Variants in COL21A1 observed in about 807,000 individuals in gnomAD.
The protein encoded by COL21A1 is collagen alpha-1(XXI) chain.
COL21A1 carries 149 observed loss-of-function variants against 137.9 expected under a neutral mutation model. The ratio of observed to expected loss-of-function variants is 1.08; its 90% confidence interval spans 0.95 to 1.24. The LOEUF is 1.24. Ranked by LOEUF, COL21A1 falls within the 50% of genes most tolerant of loss-of-function variation. The pLI, the probability that COL21A1 is intolerant of heterozygous loss-of-function variation, is 0.00. For missense variants in COL21A1, 1,167 were observed against 1,158.4 expected, an observed-to-expected ratio of 1.01 and a Z score of -0.11; for synonymous variants, 456 against 391.5, an observed-to-expected ratio of 1.16 and a Z score of -1.95.
In COL21A1 at chr6:56,295,643, T is replaced by A. The variant is rs1047316061; in HGVS notation, c.-39+98328A>T. ...TCAGAGTTTTGTACTTTTCCTCACA[T>A]AGATTTTGGACATATTCTGTAAAAT... On this transcript the variant is annotated intron_variant, in intron 1 of 28. Coordinates refer to the COL21A1 transcript ENST00000370819. 2.0e-5 allele frequency among the ~76,000 whole-genome samples: 3 copies of A among 151,882 alleles called. 1 individual carries two copies. Among genetic ancestry groups the A allele is most frequent in the Admixed American group, 2.0e-4 (3 of 15,230 alleles).
intron 1 of COL21A1, among the ~76,000 whole-genome samples, chr6:56,390,385 T>A (rs1414267862): frequency 6.6e-6 from 1 of 151,338 alleles, no homozygotes; most frequent in Non-Finnish European, 1.5e-5. Flanking sequence ...CCAGAGAAAA[T>A]CACTTTTACA....
At chr6:56,389,069 A>T (rs2094024101) in intron 1 of COL21A1, among the ~76,000 whole-genome samples, 1 of 152,212 alleles carries the variant, frequency 6.6e-6, no homozygotes, top group South Asian at 2.1e-4. Context: ...CTACATAAAA[A>T]TATGCAAAGG....
intron 7 of COL21A1, among the ~76,000 whole-genome samples, chr6:56,165,140 T>C (rs1182529311): frequency 2.0e-5 from 3 of 152,168 alleles, no homozygotes; most frequent in Non-Finnish European, 4.4e-5. Context: ...TATGCTGTCT[T>C]GAAATTTTAG....
chr6:56,276,724 T>G (rs1396386131), intron 1 of COL21A1: 7 of 1,401,976 alleles, frequency 5.0e-6, no homozygotes, highest in Non-Finnish European at 7.1e-6. Flanking sequence ...ACGGCTTCCT[T>G]ATAAACAGAA....
At chr6:56,076,013 G>T (rs568153736) in intron 18 of COL21A1, among the ~76,000 whole-genome samples, 1 of 151,600 alleles carries the variant, frequency 6.6e-6, no homozygotes, top group Non-Finnish European at 1.5e-5. Context: ...GGTCTTCCAA[G>T]AAGTAGGAGA....
intron 1 of COL21A1, among the ~76,000 whole-genome samples, chr6:56,213,281 G>T (rs1303055022): frequency 6.6e-6 from 1 of 152,026 alleles, no homozygotes; most frequent in Non-Finnish European, 1.5e-5. Flanking sequence ...ATGGTATAGA[G>T]CTCATTATGT....
chr6:56,307,287 C>A (rs971249440), intron 1 of COL21A1, among the ~76,000 whole-genome samples: 3 of 152,338 alleles, frequency 2.0e-5, no homozygotes, highest in East Asian at 3.9e-4. Context: ...GAGGATTCTG[C>A]TGCCTTTTGT....
chr6:56,341,924 C>CA (rs1234269269), intron 1 of COL21A1, among the ~76,000 whole-genome samples: 2 of 151,878 alleles, frequency 1.3e-5, no homozygotes, highest in Non-Finnish European at 2.9e-5. Context: ...CTAAAAATCA[C>CA]AAAAAATAAT....
chr6:56,133,259 G>A (rs1773713594), intron 12 of COL21A1, among the ~76,000 whole-genome samples: 1 of 152,194 alleles, frequency 6.6e-6, no homozygotes. Flanking sequence ...AGATGGAGAT[G>A]AGAAACTTGT....
intron 1 of COL21A1, among the ~76,000 whole-genome samples, chr6:56,310,808 CATA>C (rs67942021): frequency 0.24 from 36,196 of 151,472 alleles, 5,390 homozygotes; most frequent in Non-Finnish European, 0.34. Flanking sequence ...TATGAATATC[CATA>C]ATATTGTTAT....
intron 1 of COL21A1, among the ~76,000 whole-genome samples, chr6:56,365,542 G>T (rs1209915388): frequency 1.3e-5 from 2 of 151,976 alleles, no homozygotes; most frequent in African/African-American, 4.8e-5. Context: ...ATGTCTTAAT[G>T]TAAGCTGCCT....
At chr6:56,379,425 T>C (rs1245337483) in intron 1 of COL21A1, among the ~76,000 whole-genome samples, 1 of 152,040 alleles carries the variant, frequency 6.6e-6, no homozygotes, top group Admixed American at 6.6e-5. Context: ...TGATCCGAAA[T>C]GGGGAGAATG....
At chr6:56,248,402 CT>C (rs1782757507), upstream of COL21A1, among the ~76,000 whole-genome samples, 1 of 152,210 alleles carries the variant, frequency 6.6e-6, no homozygotes, top group African/African-American at 2.4e-5. Flanking sequence ...CTTTGTGACA[CT>C]TTGAGACACT....
At chr6:56,130,596 G>C (rs1299236877) in intron 12 of COL21A1, among the ~76,000 whole-genome samples, 4 of 152,074 alleles carry the variant, frequency 2.6e-5, no homozygotes, top group Non-Finnish European at 5.9e-5. Flanking sequence ...TCTTTTATTG[G>C]AGATGGCAAA....
chr6:56,357,886 T>G (rs1315859196), intron 1 of COL21A1, among the ~76,000 whole-genome samples: 1 of 152,102 alleles, frequency 6.6e-6, no homozygotes, highest in African/African-American at 2.4e-5. Context: ...ACAATACTGG[T>G]AGTGAAACAA....
Position 56,101,463 on chromosome 6 carries a change from G to A in COL21A1, c.1812+9C>T, listed in dbSNP as rs1770449080. The A allele has an allele frequency of 1.3e-6, 2 of 1,582,568 alleles. No homozygotes were observed. Among genetic ancestry groups the A allele is most frequent in the African/African-American group, 2.7e-5 (2 of 74,282 alleles). ...TCATCTTTTAGAACTGAAATGAGAA[G>A]GTACTCACAGGCTCTCCCCGTGTTC... On this transcript the variant is annotated intron_variant, in intron 17 of 29. Coordinates refer to ENST00000244728, the MANE Select transcript of COL21A1 (RefSeq NM_030820.4).
At chr6:56,190,461 C>T (rs1778588238) in intron 1 of COL21A1, among the ~76,000 whole-genome samples, 1 of 152,082 alleles carries the variant, frequency 6.6e-6, no homozygotes, top group South Asian at 2.1e-4. Flanking sequence ...AGCCTACCAA[C>T]CAAAAAAGTC....
At chr6:56,160,524 T>A (rs1309491577) in intron 9 of COL21A1, among the ~76,000 whole-genome samples, 2 of 152,078 alleles carry the variant, frequency 1.3e-5, no homozygotes, top group African/African-American at 4.8e-5. Context: ...GAAAAAAAAA[T>A]TCCCCAATAC....
intron 1 of COL21A1, among the ~76,000 whole-genome samples, chr6:56,216,004 C>T (rs2152309299): frequency 1.3e-5 from 2 of 152,200 alleles, no homozygotes; most frequent in Middle Eastern, 6.8e-3. Context: ...TCTAACCTCA[C>T]AATTCCTTAC....
Sources: allele counts gnomAD v4.1 joint callset (sites outside exome capture counted in the v4.1 genomes callset), GRCh38; gene constraint gnomAD v4.1.1; transcripts MANE v1.5; gene names NCBI Gene and HGNC (gene_info 2026-07-23, HGNC 2026-07-21).